Variants in ARHGAP39 observed in about 807,000 individuals in gnomAD.
ARHGAP39 encodes rho GTPase-activating protein 39.
A neutral mutation model predicts 106.9 loss-of-function variants in ARHGAP39; 44 were observed. The observed-to-expected ratio is 0.41, with a 90% CI of 0.32 to 0.53. ARHGAP39 has a LOEUF of 0.53. Among genes scored for constraint, ARHGAP39 ranks in the 20% least tolerant of loss-of-function variants. The probability of loss-of-function intolerance (pLI) is 0.21; values close to 1 mark genes in which losing one functional copy is unlikely to be tolerated. For synonymous variants in ARHGAP39, 768 were observed against 693.2 expected (o/e 1.11, Z -1.69); for missense variants, 1,496 against 1,577.3 (o/e 0.95, Z 0.87).
rs61748959 is a variant in ARHGAP39 at position 144,545,316 on chromosome 8, G to A, written c.2454C>T (p.Thr818=). The A allele has an allele frequency of 2.7e-3, 4,339 of 1,592,820 alleles. 117 individuals are homozygous for A. The African/African-American group carries it at 0.052, about 19-fold the overall frequency. Reference sequence around the variant, plus strand: ...CTTCCAGGTAGGAGTGGAACTTGGGGGTGGGCGGGAAAAAGGCCAGGCAGA... The same window carrying A: ...CTTCCAGGTAGGAGTGGAACTTGGGAGTGGGCGGGAAAAAGGCCAGGCAGA... ...MAICLAFFPP[T]PKFHSYLEGY... is the part of the protein sequence containing the mutation. The change falls in exon 6 of 12, where the codon ACC becomes ACT. Residue 818 remains threonine (T), a synonymous_variant. Coordinates refer to ENST00000377307, the MANE Select transcript of ARHGAP39 (RefSeq NM_025251.3).
the ARHGAP39 span, among the ~76,000 whole-genome samples, chr8:144,697,053 G>A: frequency 3.9e-5 from 6 of 152,080 alleles, no homozygotes; most frequent in South Asian, 8.3e-4. Context: ...GGTCGGGCGC[G>A]GTGGCTCATG....
intron 1 of ARHGAP39, among the ~76,000 whole-genome samples, chr8:144,633,137 G>GTTTT (rs201017011): frequency 4.0e-5 from 6 of 149,870 alleles, no homozygotes; most frequent in South Asian, 4.2e-4. Flanking sequence ...GCAAGACCCT[G>GTTTT]TTTTTTTTTG....
rs369712727 is a variant in ARHGAP39, at chr8:144,562,218, T to C, written c.513-6575A>G. On this transcript the variant is annotated intron_variant, in intron 3 of 11. Transcript: ENST00000377307. The stretch of plus-strand genomic sequence containing the variant: ...TTCCATCGGGCTCCAGTGGTTTCCA[T>C]TGGACTCACCCCAGTGGTTTCCATC... Among the ~76,000 whole-genome samples, 34 of 151,386 alleles carry C rather than the reference T, an allele frequency of 2.2e-4. 1 individual carries two copies. Among genetic ancestry groups the C allele is most frequent in the East Asian group, 9.7e-4 (5 of 5,138 alleles).
At chr8:144,632,893 T>G (rs1326881829) in intron 1 of ARHGAP39, among the ~76,000 whole-genome samples, 1 of 152,270 alleles carries the variant, frequency 6.6e-6, no homozygotes, top group Non-Finnish European at 1.5e-5. Flanking sequence ...AGAGGTGAAT[T>G]ATGAATCCAG....
intron 1 of ARHGAP39, among the ~76,000 whole-genome samples, chr8:144,612,764 C>T (rs1217945553): frequency 1.3e-5 from 2 of 151,830 alleles, no homozygotes; most frequent in East Asian, 1.9e-4. Flanking sequence ...ACGGCTGCGC[C>T]GCTGCACTCC....
intron 3 of ARHGAP39, among the ~76,000 whole-genome samples, chr8:144,570,335 T>A (rs1198245561): frequency 6.6e-6 from 1 of 152,120 alleles, no homozygotes; most frequent in Non-Finnish European, 1.5e-5. Flanking sequence ...ACTGGAACAA[T>A]CCTGCCAAAC....
intron 5 of ARHGAP39, among the ~76,000 whole-genome samples, chr8:144,546,249 C>G (rs1817415579): frequency 1.3e-5 from 2 of 152,298 alleles, no homozygotes; most frequent in South Asian, 4.1e-4. Context: ...ACCCCAGGCC[C>G]TTCCCTCCAG....
intron 3 of ARHGAP39, among the ~76,000 whole-genome samples, chr8:144,564,287 A>G (rs1266667062): frequency 6.6e-6 from 1 of 152,234 alleles, no homozygotes; most frequent in Non-Finnish European, 1.5e-5. Flanking sequence ...TTCTCTGAGC[A>G]GCAGCACTGG....
chr8:144,530,011 G>T lies in ARHGAP39; in HGVS notation c.*411C>A. 5.3e-6 allele frequency: 1 copy of T among 188,198 alleles called. No individual in the cohort carries two copies. Among genetic ancestry groups the T allele is most frequent in the Non-Finnish European group, 1.1e-5 (1 of 91,292 alleles). The allele number at this position is 188,198 out of a possible 1,614,324, so 11.7% of individuals were successfully genotyped here. On this transcript the variant is annotated 3_prime_UTR_variant, in exon 12 of 12. Coordinates refer to ENST00000377307, the MANE Select transcript of ARHGAP39 (RefSeq NM_025251.3). ...GCTGGGAAGAGCTGCAGGCCAGGACGAGGACAGGAGAAAGGGAAGGAGAGA... is the reference window on the plus strand; with the variant it reads ...GCTGGGAAGAGCTGCAGGCCAGGACTAGGACAGGAGAAAGGGAAGGAGAGA...
At chr8:144,596,564 C>T (rs1363262672) in intron 2 of ARHGAP39, among the ~76,000 whole-genome samples, 1 of 152,210 alleles carries the variant, frequency 6.6e-6, no homozygotes. Context: ...CCAGACTGGC[C>T]ATGAGGGCTG....
the ARHGAP39 span, among the ~76,000 whole-genome samples, chr8:144,693,492 G>A: frequency 9.9e-5 from 15 of 152,280 alleles, no homozygotes; most frequent in African/African-American, 3.6e-4. Context: ...TCCTGCCTCA[G>A]CCTCCCTAGT....
intron 1 of ARHGAP39, among the ~76,000 whole-genome samples, chr8:144,651,580 G>A (rs1418795951): frequency 1.3e-5 from 2 of 152,016 alleles, no homozygotes; most frequent in African/African-American, 4.8e-5. Context: ...GCACACACCT[G>A]TAATCTCAGC....
upstream of ARHGAP39, among the ~76,000 whole-genome samples, chr8:144,687,674 G>T (rs1822650063): frequency 9.6e-6 from 1 of 104,660 alleles, no homozygotes; most frequent in Admixed American, 9.5e-5. Flanking sequence ...CACACTAGCA[G>T]TGAGCACTTC....
At chr8:144,618,510 C>T (rs1820697451) in intron 1 of ARHGAP39, among the ~76,000 whole-genome samples, 1 of 152,262 alleles carries the variant, frequency 6.6e-6, no homozygotes, top group African/African-American at 2.4e-5. Context: ...GAATGCTGTA[C>T]CCAGAGACCT....
In ARHGAP39 at chr8:144,605,548, C is replaced by G. The variant is rs1236693496; in HGVS notation, c.67G>C (p.Gly23Arg). Residue 23 changes from glycine to arginine, a missense_variant, in exon 2 of 12, where the codon GGG becomes CGG. By Grantham distance (125) the Gly-to-Arg change is moderately radical. Around this residue, in one of 4 missense-constraint regions of ARHGAP39, gnomAD observed 96 missense variants for 107.9 expected, o/e 0.89. Transcript: ENST00000377307. ...NVDLPESRIP[G>R]SNTRLEWVEI... ...TCGGCTCCTTACCGAGTGTTCGACC[C>G]TGGAATCCTCGACTCCGGCAGGTCG... 1 of 1,614,034 alleles carries G rather than the reference C, an allele frequency of 6.2e-7. No individual in the cohort carries two copies. The highest frequency in any genetic ancestry group is 2.2e-5 in the East Asian group (1 of 44,876).
At chr8:144,636,409 G>C (rs1349163574) in intron 1 of ARHGAP39, among the ~76,000 whole-genome samples, 1 of 152,206 alleles carries the variant, frequency 6.6e-6, no homozygotes, top group African/African-American at 2.4e-5. Context: ...TGAGGGACTA[G>C]GGGGAGGAGT....
At chr8:144,544,785 C>A (rs1017662316) in intron 6 of ARHGAP39, among the ~76,000 whole-genome samples, 4 of 152,260 alleles carry the variant, frequency 2.6e-5, no homozygotes, top group African/African-American at 7.2e-5. Flanking sequence ...TCATCAAGCT[C>A]CTGCCTGCTC....
chr8:144,661,131 T>C (rs1221045535), intron 1 of ARHGAP39, among the ~76,000 whole-genome samples: 1 of 152,126 alleles, frequency 6.6e-6, no homozygotes, highest in Non-Finnish European at 1.5e-5. Flanking sequence ...TGAAAACACA[T>C]GCAGTCCTAC....
intron 1 of ARHGAP39, among the ~76,000 whole-genome samples, chr8:144,637,239 T>C (rs906807717): frequency 6.6e-6 from 1 of 152,230 alleles, no homozygotes; most frequent in African/African-American, 2.4e-5. Context: ...AAATTTTTGC[T>C]CTATTTTCTG....
Sources: allele counts gnomAD v4.1 joint callset (sites outside exome capture counted in the v4.1 genomes callset), GRCh38; gene constraint gnomAD v4.1.1; regional missense constraint gnomAD v4.1.1; transcripts MANE v1.5; gene names NCBI Gene and HGNC (gene_info 2026-07-23, HGNC 2026-07-21).